The following DRC11 variants were observed in gnomAD, a reference collection of about 807,000 sequenced individuals.
DRC11 encodes IQ and AAA domain-containing protein 1.
the DRC11 span, among the ~76,000 whole-genome samples, chr2:236,459,640 T>TACGC: frequency 1.4e-5 from 2 of 143,016 alleles, no homozygotes; most frequent in Non-Finnish European, 3.1e-5. Flanking sequence ...TATATACGTA[T>TACGC]ATACGTATAT....
chr2:236,310,093 G>T, the DRC11 span, among the ~76,000 whole-genome samples: 4 of 152,178 alleles, frequency 2.6e-5, no homozygotes, highest in Non-Finnish European at 4.4e-5. This position sits in a 1 kb window ranked among gnomAD's most constrained non-coding sequence, Gnocchi z 5.5. Flanking sequence ...GGGCAGCCTG[G>T]CCACCAGCAA....
chr2:236,325,673 G>C, the DRC11 span, among the ~76,000 whole-genome samples: 1 of 151,660 alleles, frequency 6.6e-6, no homozygotes, highest in East Asian at 1.9e-4. The surrounding 1 kb of genome is among the most constrained non-coding windows in gnomAD (Gnocchi z 4.4). Flanking sequence ...TGTGATCTCA[G>C]CTCACTGCAA....
At chr2:236,485,659 T>G in the DRC11 span, among the ~76,000 whole-genome samples, 1 of 152,206 alleles carries the variant, frequency 6.6e-6, no homozygotes, top group Non-Finnish European at 1.5e-5. Flanking sequence ...GAGAGCTGCC[T>G]CCAAGTGCTT....
At chr2:236,327,621 T>C in the DRC11 span, among the ~76,000 whole-genome samples, 2 of 152,218 alleles carry the variant, frequency 1.3e-5, no homozygotes, top group East Asian at 3.8e-4. Context: ...TTGCTCCCTT[T>C]TTCAGTTCTT....
chr2:236,493,867 T>A, the DRC11 span: 2 of 1,604,660 alleles, frequency 1.2e-6, no homozygotes, highest in Admixed American at 3.4e-5. Context: ...AATACTTGGG[T>A]ATGGGAATAT....
At chr2:236,430,410 C>T in the DRC11 span, among the ~76,000 whole-genome samples, 1 of 152,166 alleles carries the variant, frequency 6.6e-6, no homozygotes, top group Non-Finnish European at 1.5e-5. This position sits in a 1 kb window ranked among gnomAD's most constrained non-coding sequence, Gnocchi z 6.0. Context: ...TTATAAACAT[C>T]AACTTGTCAT....
At chr2:236,487,884 G>C in the DRC11 span, 1 of 580,832 alleles carries the variant, frequency 1.7e-6, no homozygotes, top group Non-Finnish European at 2.8e-6. Flanking sequence ...ATGTAATCTA[G>C]TTCTATTAAG....
At chr2:236,359,548 A>T in the DRC11 span, among the ~76,000 whole-genome samples, 1 of 152,140 alleles carries the variant, frequency 6.6e-6, no homozygotes, top group South Asian at 2.1e-4. The surrounding 1 kb of genome is among the most constrained non-coding windows in gnomAD (Gnocchi z 4.3). Context: ...GGAAGAATCC[A>T]TGAGGAATCA....
the DRC11 span, among the ~76,000 whole-genome samples, chr2:236,441,873 T>C: frequency 6.6e-6 from 1 of 152,198 alleles, no homozygotes; most frequent in African/African-American, 2.4e-5. Context: ...TTTATATTCT[T>C]ATTAATTTTT....
At chr2:236,409,882 T>A in the DRC11 span, among the ~76,000 whole-genome samples, 1 of 152,234 alleles carries the variant, frequency 6.6e-6, no homozygotes, top group Non-Finnish European at 1.5e-5. Context: ...GGTTTTTGTC[T>A]TTGGTTCTGT....
chr2:236,417,726 C>T, the DRC11 span, among the ~76,000 whole-genome samples: 1 of 152,040 alleles, frequency 6.6e-6, no homozygotes, highest in African/African-American at 2.4e-5. Context: ...TCTCTCTCCC[C>T]TTGCCCCCCA....
chr2:236,321,859 A>G, the DRC11 span, among the ~76,000 whole-genome samples: 1 of 152,180 alleles, frequency 6.6e-6, no homozygotes, highest in African/African-American at 2.4e-5. Context: ...GTGGGGGGGA[A>G]GTCTCTTGGG....
chr2:236,361,524 A>T, the DRC11 span, among the ~76,000 whole-genome samples: 1 of 152,234 alleles, frequency 6.6e-6, no homozygotes, highest in East Asian at 1.9e-4. This position sits in a 1 kb window ranked among gnomAD's most constrained non-coding sequence, Gnocchi z 5.7. Flanking sequence ...GTATAATAAG[A>T]AAATGAAGGA....
chr2:236,451,413 A>T, the DRC11 span, among the ~76,000 whole-genome samples: 4 of 152,044 alleles, frequency 2.6e-5, no homozygotes, highest in Non-Finnish European at 5.9e-5. Flanking sequence ...TTTAAAAAAT[A>T]CTTGGTTTTT....
At chr2:236,388,414 A>G in the DRC11 span, among the ~76,000 whole-genome samples, 2 of 149,648 alleles carry the variant, frequency 1.3e-5, no homozygotes, top group South Asian at 4.3e-4. Flanking sequence ...CATTCATTTC[A>G]TCTTCCATTG....
chr2:236,334,019 T>C, the DRC11 span, among the ~76,000 whole-genome samples: 1 of 152,162 alleles, frequency 6.6e-6, no homozygotes, highest in African/African-American at 2.4e-5. This position sits in a 1 kb window ranked among gnomAD's most constrained non-coding sequence, Gnocchi z 7.8. Flanking sequence ...AAGATTCCTC[T>C]GAATACATGA....
the DRC11 span, among the ~76,000 whole-genome samples, chr2:236,396,908 C>T: frequency 3.2e-4 from 48 of 152,280 alleles, no homozygotes; most frequent in East Asian, 1.9e-3. Context: ...GAGAAGCATC[C>T]GTGAACACAC....
the DRC11 span, among the ~76,000 whole-genome samples, chr2:236,426,942 G>A: frequency 9.9e-5 from 15 of 152,084 alleles, no homozygotes; most frequent in Admixed American, 7.2e-4. The surrounding 1 kb of genome is among the most constrained non-coding windows in gnomAD (Gnocchi z 4.1). Context: ...AGTCTTTATC[G>A]TGTTAAGTTC....
chr2:236,317,972 TC>T, the DRC11 span, among the ~76,000 whole-genome samples: 1 of 152,184 alleles, frequency 6.6e-6, no homozygotes, highest in Non-Finnish European at 1.5e-5. The surrounding 1 kb of genome is among the most constrained non-coding windows in gnomAD (Gnocchi z 5.4). Context: ...TCAGTCTCCA[TC>T]CTGCTCCTCC....
Sources: gnomAD v4.1 joint callset for allele counts (sites outside exome capture counted in the v4.1 genomes callset) on GRCh38, gnomAD v4.1.1 for gene constraint, Gnocchi (gnomAD v3.1) non-coding constraint, MANE v1.5 for transcripts, NCBI Gene and HGNC (gene_info 2026-07-23, HGNC 2026-07-21) for gene names.